The following TNR variants were observed in gnomAD, a reference collection of about 807,000 sequenced individuals.
The protein encoded by TNR is tenascin-R.
A neutral mutation model predicts 150.4 loss-of-function variants in TNR; 45 were observed. That is an observed-to-expected ratio of 0.30 (90% CI 0.24 to 0.38). TNR has a LOEUF of 0.38. TNR is among the 10% of genes least tolerant of loss of function. The pLI, the probability that TNR is intolerant of heterozygous loss-of-function variation, is 1.00. For missense variants in TNR, 1,544 were observed against 1,759.1 expected, an observed-to-expected ratio of 0.88 and a Z score of 2.19; for synonymous variants, 687 against 678.4, an observed-to-expected ratio of 1.01 and a Z score of -0.20.
chr1:175,645,377 C>A (rs1460523264), intron 1 of TNR, among the ~76,000 whole-genome samples: 1 of 152,122 alleles, frequency 6.6e-6, no homozygotes, highest in Admixed American at 6.5e-5. Context: ...TTCCCGGCAG[C>A]CATGGTGAAA....
intron 1 of TNR, among the ~76,000 whole-genome samples, chr1:175,677,019 G>T (rs191949580): frequency 9.5e-4 from 145 of 152,344 alleles, no homozygotes; most frequent in African/African-American, 3.4e-3. Context: ...ACTCAGAAAA[G>T]AAGTAGCCGA....
chr1:175,564,141 A>G (rs1030948011), intron 1 of TNR, among the ~76,000 whole-genome samples: 1 of 152,346 alleles, frequency 6.6e-6, no homozygotes, highest in Non-Finnish European at 1.5e-5. Flanking sequence ...AATTGCAGAA[A>G]TCCCACTCTG....
intron 2 of TNR, among the ~76,000 whole-genome samples, chr1:175,438,915 G>C (rs1457002078): frequency 1.3e-5 from 2 of 152,020 alleles, no homozygotes; most frequent in African/African-American, 2.4e-5. Context: ...CTCATGGGTA[G>C]GAAGAATCAA....
intron 1 of TNR, among the ~76,000 whole-genome samples, chr1:175,583,912 C>T (rs1250172866): frequency 6.6e-6 from 1 of 152,192 alleles, no homozygotes; most frequent in African/African-American, 2.4e-5. Context: ...CCAGCTCACC[C>T]TGCCCAGAAT....
At position 175,318,768 on chromosome 1, in the gene TNR, A is replaced by G. The variant is rs1433283731; in HGVS notation, c.*4589T>C. 6.6e-6 allele frequency: 1 copy of G among 152,140 alleles called. No homozygotes were observed. Among genetic ancestry groups the G allele is most frequent in the Non-Finnish European group, 1.5e-5 (1 of 68,048 alleles). 9.4% of individuals were successfully genotyped at this position (152,140 alleles called of 1,614,324 possible). ...GTCATGGTAACCTGGATGAAAGCAG[A>G]CCATCAGGGAAGTGAGGCAGAGCTG... On this transcript the variant is annotated 3_prime_UTR_variant, in exon 23 of 23. Coordinates refer to ENST00000367674, the MANE Select transcript of TNR (RefSeq NM_003285.3).
intron 1 of TNR, among the ~76,000 whole-genome samples, chr1:175,611,990 T>C (rs1663614547): frequency 6.6e-6 from 1 of 152,176 alleles, no homozygotes; most frequent in Non-Finnish European, 1.5e-5. Flanking sequence ...TCAATCTCCT[T>C]CCAGGCTGGT....
At chr1:175,349,639 G>T (rs896981126) in intron 18 of TNR, among the ~76,000 whole-genome samples, 2 of 152,194 alleles carry the variant, frequency 1.3e-5, no homozygotes, top group African/African-American at 4.8e-5. Flanking sequence ...TGGAAGAAGA[G>T]AAGAGGGTAA....
In TNR at chr1:175,363,819, G is replaced by C. The variant is rs1307957703; in HGVS notation, c.2596C>G (p.Pro866Ala). Residue 866 changes from proline to alanine, a missense_variant, in exon 13 of 23, where the codon CCC (proline) becomes GCC (alanine). Pro to Ala is a conservative substitution (Grantham distance 27, BLOSUM62 -1). Transcript: ENST00000367674. Reference protein sequence around the residue: ...IVGSITTGIDPPKDITISNVT... With the variant: ...IVGSITTGIDAPKDITISNVT... The stretch of plus-strand genomic sequence containing the variant: ...TTGCTAATTGTGATGTCTTTTGGGG[G>C]ATCAATTCCTACAAGGACCCAGTGA... 2 of 1,609,984 alleles carry C rather than the reference G, an allele frequency of 1.2e-6. No individual in the cohort carries two copies. The highest frequency in any genetic ancestry group is 2.2e-5 in the South Asian group (2 of 90,256).
intron 1 of TNR, among the ~76,000 whole-genome samples, chr1:175,706,301 C>T (rs1666840697): frequency 1.3e-5 from 2 of 152,136 alleles, no homozygotes; most frequent in South Asian, 4.2e-4. Context: ...GGACTTGGTA[C>T]AGGCTAGGCT....
intron 1 of TNR, among the ~76,000 whole-genome samples, chr1:175,581,664 TG>T (rs1423307703): frequency 6.6e-6 from 1 of 152,196 alleles, no homozygotes; most frequent in Non-Finnish European, 1.5e-5. Context: ...TTGGAATCTT[TG>T]GGGCATTTTT....
chr1:175,701,615 T>C (rs963193871), intron 1 of TNR, among the ~76,000 whole-genome samples: 1 of 152,172 alleles, frequency 6.6e-6, no homozygotes, highest in Non-Finnish European at 1.5e-5. Flanking sequence ...GTGTCTCAAA[T>C]TTACCCACTA....
chr1:175,501,544 C>A (rs1046052320), intron 2 of TNR, among the ~76,000 whole-genome samples: 1 of 152,186 alleles, frequency 6.6e-6, no homozygotes, highest in Admixed American at 6.5e-5. Flanking sequence ...CATGCCCAGA[C>A]TTTTGACCTA....
At chr1:175,654,145 G>A (rs963880732) in intron 1 of TNR, among the ~76,000 whole-genome samples, 6 of 152,162 alleles carry the variant, frequency 3.9e-5, no homozygotes, top group Non-Finnish European at 7.3e-5. Context: ...TGGCTTTAGA[G>A]TATTTCTGCA....
rs1287020257 is a variant in TNR, at chr1:175,708,965, C to T, written c.-165+34261G>A. ...AGATATAAACAAATATCTCATTATG[C>T]ACACAAGCACCCCCACGTGGCGAGC... On this transcript the variant is annotated intron_variant, in intron 1 of 22. Transcript: ENST00000367674. 4.1e-5 allele frequency among the ~76,000 whole-genome samples: 6 copies of T among 145,142 alleles called. No individual in the cohort carries two copies. The East Asian group carries it at 1.2e-3, about 28-fold the overall frequency.
intron 1 of TNR, among the ~76,000 whole-genome samples, chr1:175,553,166 A>G (rs939060023): frequency 3.9e-5 from 6 of 152,228 alleles, no homozygotes; most frequent in African/African-American, 1.4e-4. Flanking sequence ...GGCTAAAGAA[A>G]TGGTGGAAAA....
chr1:175,697,781 T>C (rs1666575851), intron 1 of TNR, among the ~76,000 whole-genome samples: 1 of 152,202 alleles, frequency 6.6e-6, no homozygotes, highest in South Asian at 2.1e-4. Context: ...CCAACCCTCC[T>C]GAGTCCCCCC....
chr1:175,365,623 C>T (rs895443443), intron 11 of TNR, among the ~76,000 whole-genome samples: 2 of 152,234 alleles, frequency 1.3e-5, no homozygotes, highest in African/African-American at 4.8e-5. Context: ...TGGACAGAAT[C>T]AACTACTATG....
At chr1:175,398,414 A>T (rs1653540003) in intron 4 of TNR, among the ~76,000 whole-genome samples, 1 of 152,248 alleles carries the variant, frequency 6.6e-6, no homozygotes, top group Admixed American at 6.5e-5. Flanking sequence ...CTTTCAAATG[A>T]TGTTTTATAA....
rs181782924 is a variant in TNR, at chr1:175,421,001, T to C, written c.-63-14224A>G. On this transcript the variant is annotated intron_variant, in intron 2 of 22. Coordinates refer to ENST00000367674, the MANE Select transcript of TNR (RefSeq NM_003285.3). ...AGGAAGAATACGCTCTCTGAATTTT[T>C]TTTTAAAGTTTCAGCCTTCTACTTT... Among the ~76,000 whole-genome samples the C allele has an allele frequency of 3.9e-3, 598 of 152,368 alleles. 3 individuals carry two copies. Among genetic ancestry groups the C allele is most frequent in the African/African-American group, 0.014 (572 of 41,584 alleles).
Sources: gnomAD v4.1 joint callset for allele counts (sites outside exome capture counted in the v4.1 genomes callset) on GRCh38, gnomAD v4.1.1 for gene constraint, MANE v1.5 for transcripts, NCBI Gene and HGNC (gene_info 2026-07-23, HGNC 2026-07-21) for gene names.